FAM184B: variants seen among roughly 807,000 people sequenced by gnomAD.
The protein encoded by FAM184B is protein FAM184B.
FAM184B carries 111 observed loss-of-function variants against 135.9 expected under a neutral mutation model. That is an observed-to-expected ratio of 0.82 (90% confidence interval 0.70 to 0.96). The LOEUF is 0.96. FAM184B is among the 40% of genes least tolerant of loss of function. FAM184B has a pLI of 0.00. For synonymous variants in FAM184B, 552 were observed against 524.8 expected (o/e 1.05, Z -0.71); for missense variants, 1,375 against 1,323.9 (o/e 1.04, Z -0.60).
rs967984842 is a variant in FAM184B, at chr4:17,660,079, A to G, written c.1703T>C (p.Val568Ala). The G allele has an allele frequency of 1.3e-6, 2 of 1,551,320 alleles. No homozygotes were observed. The highest frequency in any genetic ancestry group is 2.7e-5 in the African/African-American group (2 of 73,022). The change falls in exon 9 of 18, where the codon GTG becomes GCG. Residue 568 changes from valine to alanine, a missense_variant. Transcript: ENST00000265018. ...TSSDEEERTKVLLKEGSDPQP... is the reference protein window; with the variant it reads ...TSSDEEERTKALLKEGSDPQP... ...TGGGTCACTTCCCTCCTTGAGAAGC[A>G]CTTTGGTCCTTTGAAGATAAGGATG... is the stretch of plus-strand genomic sequence containing the variant.
intron 1 of FAM184B, among the ~76,000 whole-genome samples, chr4:17,769,083 AT>A (rs1467477056): frequency 6.6e-6 from 1 of 152,186 alleles, no homozygotes; most frequent in Non-Finnish European, 1.5e-5. Flanking sequence ...GATTACAGGC[AT>A]GAGCCACCAT....
intron 1 of FAM184B, among the ~76,000 whole-genome samples, chr4:17,763,210 T>C (rs1384766761): frequency 6.6e-6 from 1 of 152,096 alleles, no homozygotes; most frequent in Non-Finnish European, 1.5e-5. Context: ...ACAGTCCTTT[T>C]GAGCACTGGC....
In FAM184B at chr4:17,730,819, A is replaced by G. The variant is rs946225916; in HGVS notation, c.142-21175T>C. The stretch of plus-strand genomic sequence containing the variant: ...ACAGGAGGAAATTCAAACAAATGGC[A>G]AAGAAGTTAAAAACTTTGAAAAAAA... On this transcript the variant is annotated intron_variant, in intron 1 of 17. Transcript: ENST00000265018. Among the ~76,000 whole-genome samples the G allele has an allele frequency of 2.0e-5, 3 of 152,332 alleles. No individual in the cohort carries two copies. In the South Asian group the frequency reaches 6.2e-4, roughly 32 times the overall value.
At chr4:17,637,059 C>T (rs887418332) in intron 14 of FAM184B, among the ~76,000 whole-genome samples, 3 of 152,090 alleles carry the variant, frequency 2.0e-5, no homozygotes, top group Admixed American at 6.5e-5. Context: ...CGGAGTCTCC[C>T]TCTGTCGCCC....
chr4:17,642,194 G>T lies in FAM184B; in HGVS notation c.2381C>A (p.Pro794Gln). The change falls in exon 13 of 18, where the codon CCG (proline) becomes CAG (glutamine). Residue 794 changes from proline to glutamine, a missense_variant. Pro to Gln is a moderately conservative substitution (Grantham distance 76). Transcript: ENST00000265018. Reference protein sequence around the residue: ...RGGPGQAGSPPGAAGQGSGEG... With the variant: ...RGGPGQAGSPQGAAGQGSGEG... ...GCCGGAACCCTGCCCAGCAGCGCCCGGTGGGGAGCCGGCCTGGCCCGGGCC... is the reference window on the plus strand; with the variant it reads ...GCCGGAACCCTGCCCAGCAGCGCCCTGTGGGGAGCCGGCCTGGCCCGGGCC... 1 of 1,524,256 alleles carries T rather than the reference G, an allele frequency of 6.6e-7. No homozygotes were observed. Among genetic ancestry groups the T allele is most frequent in the Non-Finnish European group, 8.8e-7 (1 of 1,142,202 alleles). 94.4% of individuals were successfully genotyped at this position (1,524,256 alleles called of 1,614,324 possible).
intron 1 of FAM184B, 45 bp from the exon 2 acceptor site, chr4:17,709,689 G>A (rs1717212448): frequency 6.9e-7 from 1 of 1,442,786 alleles, no homozygotes; most frequent in Non-Finnish European, 9.1e-7. Flanking sequence ...GGGGGCTGGG[G>A]TGTGGGAGGG....
intron 5 of FAM184B, among the ~76,000 whole-genome samples, chr4:17,700,358 G>T (rs1200580710): frequency 1.3e-5 from 2 of 152,118 alleles, no homozygotes; most frequent in Non-Finnish European, 2.9e-5. Flanking sequence ...CCGTAAACAT[G>T]CTGGAATATA....
rs192178401 is a variant in FAM184B, at chr4:17,705,849, C to G, written c.1073G>C (p.Arg358Pro). The G allele has an allele frequency of 2.0e-4, 315 of 1,552,194 alleles. No homozygotes were observed. Among genetic ancestry groups the G allele is most frequent in the African/African-American group, 7.5e-4 (55 of 73,176 alleles). Residue 358 changes from arginine to proline, a missense_variant, in exon 4 of 18, where the codon CGG becomes CCG. Physicochemically the swap from Arg to Pro is moderately radical, Grantham distance 103. Transcript: ENST00000265018. ...TELVSENKVL[R>P]EENDLEAGNL... ...GCCGGCTTCCAAGTCATTCTCTTCC[C>G]GCAGGACTTTGTTCTCTGAAACTAA... is the stretch of plus-strand genomic sequence containing the variant.
intron 1 of FAM184B, among the ~76,000 whole-genome samples, chr4:17,767,069 C>G (rs1718715562): frequency 6.6e-6 from 1 of 152,156 alleles, no homozygotes. Context: ...CCCTCACTGC[C>G]TGGGGCCAGC....
At position 17,658,530 on chromosome 4, in the gene FAM184B, G is replaced by C; in HGVS notation, c.1857C>G (p.Cys619Trp). 6.4e-7 allele frequency: 1 copy of C among 1,551,352 alleles called. No homozygotes were observed. The highest frequency in any genetic ancestry group is 8.7e-7 in the Non-Finnish European group (1 of 1,146,984). Residue 619 changes from cysteine to tryptophan, a missense_variant, in exon 10 of 18, where the codon TGC (cysteine) becomes TGG (tryptophan). By Grantham distance (215) the Cys-to-Trp change is radical (BLOSUM62 -2). Coordinates refer to ENST00000265018, the MANE Select transcript of FAM184B (RefSeq NM_015688.2). ...GCAGGTCCTCCCTGTAGTTGCTGGT[G>C]CACTGCTCCAGAGCCTGCTGCATCT... ...VSQMQQALEQ[C>W]TSNYREDLQA...
At chr4:17,748,518 T>G (rs1272573679) in intron 1 of FAM184B, among the ~76,000 whole-genome samples, 1 of 146,618 alleles carries the variant, frequency 6.8e-6, no homozygotes, top group African/African-American at 2.5e-5. Flanking sequence ...TTTTTTTTTT[T>G]TTTTTTTTTT....
At chr4:17,646,738 AAAAAG>A (rs1308388678) in intron 12 of FAM184B, among the ~76,000 whole-genome samples, 3 of 152,204 alleles carry the variant, frequency 2.0e-5, no homozygotes, top group Non-Finnish European at 2.9e-5. Context: ...ATAATAATAA[AAAAAG>A]AAAAGAAAGT....
chr4:17,683,647 A>G (rs1020495368), intron 7 of FAM184B, among the ~76,000 whole-genome samples: 1 of 152,186 alleles, frequency 6.6e-6, no homozygotes, highest in Non-Finnish European at 1.5e-5. Flanking sequence ...TGTCAATCAT[A>G]AGGGAATGGT....
At chr4:17,779,211 A>C (rs1168184646) in intron 1 of FAM184B, among the ~76,000 whole-genome samples, 4 of 152,216 alleles carry the variant, frequency 2.6e-5, no homozygotes, top group Non-Finnish European at 1.5e-5. Flanking sequence ...TAGTAATCGC[A>C]ATAAATCCCT....
chr4:17,764,867 C>G (rs1188101717), intron 1 of FAM184B, among the ~76,000 whole-genome samples: 2 of 152,030 alleles, frequency 1.3e-5, no homozygotes, highest in Non-Finnish European at 2.9e-5. Context: ...GAGATCGAGA[C>G]CAGGCTGGAC....
At chr4:17,682,769 G>T (rs2098152) in intron 7 of FAM184B, among the ~76,000 whole-genome samples, 81,135 of 152,034 alleles carry the variant, frequency 0.53, 23,645 homozygotes, top group East Asian at 0.82. Flanking sequence ...GAAATGCTGG[G>T]ATTATAAGCA....
chr4:17,639,680 G>A (rs1395904233), intron 13 of FAM184B, among the ~76,000 whole-genome samples: 3 of 152,040 alleles, frequency 2.0e-5, no homozygotes, highest in African/African-American at 7.2e-5. Flanking sequence ...AGCCCTGCAG[G>A]GGAGCCCCAG....
Position 17,709,564 on chromosome 4 carries a change from G to GT in FAM184B, c.221_222insA (p.Gln75ProfsTer47), listed in dbSNP as rs2108966589. 1 of 1,550,354 alleles carries GT rather than the reference G, an allele frequency of 6.5e-7. No individual in the cohort carries two copies. The highest frequency in any genetic ancestry group is 2.4e-5 in the East Asian group (1 of 40,904). Reference sequence around the variant, plus strand: ...CCTTGGTCTCTGCCACCGCATTCTGGAGCTCCTCCTGGTGCGCTTCCCGCA... The same window carrying GT: ...CCTTGGTCTCTGCCACCGCATTCTGGTAGCTCCTCCTGGTGCGCTTCCCGCA... On this transcript the variant is annotated frameshift_variant, in exon 2 of 18. Coordinates refer to ENST00000265018, the MANE Select transcript of FAM184B (RefSeq NM_015688.2). LOFTEE classifies it high-confidence loss of function.
At position 17,705,962 on chromosome 4, in the gene FAM184B, T is replaced by C. The variant is rs1717107255; in HGVS notation, c.1031-71A>G. 2.1e-5 allele frequency: 32 copies of C among 1,535,308 alleles called. No homozygotes were observed. The East Asian group carries it at 7.4e-4, about 35-fold the overall frequency. ...GCCTCTTGTTCAAGGCTTTCTGCTG[T>C]CAGGCCCCCGTTCCGCTTTACAACC... is the stretch of plus-strand genomic sequence containing the variant. On this transcript the variant is annotated intron_variant, in intron 3 of 17. Transcript: ENST00000265018.
Sources: allele counts gnomAD v4.1 joint callset (sites outside exome capture counted in the v4.1 genomes callset), GRCh38; gene constraint gnomAD v4.1.1; transcripts MANE v1.5; gene names NCBI Gene and HGNC (gene_info 2026-07-23, HGNC 2026-07-21).